PARD3: variants seen among roughly 807,000 people sequenced by gnomAD.
The protein encoded by PARD3 is partitioning defective 3 homolog.
A neutral mutation model predicts 155.4 loss-of-function variants in PARD3; 75 were observed. The ratio of observed to expected loss-of-function variants is 0.48; its 90% confidence interval spans 0.40 to 0.58. The LOEUF (loss-of-function observed/expected upper bound fraction) is 0.58, where lower values mean the gene tolerates loss of function less well. PARD3 is among the 20% of genes least tolerant of loss of function. PARD3 has a pLI of 0.00. For synonymous variants in PARD3, 576 were observed against 610.5 expected (o/e 0.94, Z 0.83); for missense variants, 1,642 against 1,721.7 (o/e 0.95, Z 0.82).
intron 2 of PARD3, among the ~76,000 whole-genome samples, chr10:34,525,054 T>C (rs1047205628): frequency 2.6e-5 from 4 of 152,344 alleles, no homozygotes; most frequent in African/African-American, 9.6e-5. Context: ...TGAGCCTTAC[T>C]TGCTAGCATG....
intron 2 of PARD3, among the ~76,000 whole-genome samples, chr10:34,555,654 C>T (rs2084920367): frequency 6.6e-6 from 1 of 152,174 alleles, no homozygotes; most frequent in South Asian, 2.1e-4. Context: ...CTTACACCCT[C>T]AATATGTATT....
intron 14 of PARD3, among the ~76,000 whole-genome samples, chr10:34,355,956 AC>A (rs750147742): frequency 7.4e-5 from 9 of 122,090 alleles, no homozygotes; most frequent in African/African-American, 3.6e-4. Context: ...ACAAAACAAA[AC>A]CAAACAAAAA....
chr10:34,513,571 G>A (rs1224889274), intron 3 of PARD3, among the ~76,000 whole-genome samples: 3 of 152,096 alleles, frequency 2.0e-5, no homozygotes, highest in Admixed American at 6.5e-5. Flanking sequence ...GTGAGCCACC[G>A]CACCCAGCCT....
At chr10:34,527,743 A>T (rs962850639) in intron 2 of PARD3, among the ~76,000 whole-genome samples, 1 of 152,232 alleles carries the variant, frequency 6.6e-6, no homozygotes, top group African/African-American at 2.4e-5. Flanking sequence ...GTAAAATGTA[A>T]GGTTAATATT....
chr10:34,116,932 CG>C lies in PARD3; in HGVS notation c.3668+2680del, dbSNP rs1476818324. Among the ~76,000 whole-genome samples the C allele has an allele frequency of 3.3e-5, 5 of 152,198 alleles. No homozygotes were observed. In the East Asian group the frequency reaches 9.7e-4, roughly 29 times the overall value. On this transcript the variant is annotated intron_variant, in intron 24 of 24. Coordinates refer to ENST00000374788, the MANE Select transcript of PARD3 (RefSeq NM_001184785.2). ...GAGAGGCGGAGAAGGGAAGAGATGT[CG>C]GGGCTCAGAGTAAAGAAGGGAGAGG...
At chr10:34,215,759 T>A (rs1951973668) in intron 22 of PARD3, among the ~76,000 whole-genome samples, 2 of 152,352 alleles carry the variant, frequency 1.3e-5, no homozygotes, top group African/African-American at 4.8e-5. Flanking sequence ...AGATAGCGAA[T>A]TATATTCGCA....
chr10:34,287,427 T>C lies in PARD3; in HGVS notation c.3066-3182A>G, dbSNP rs117747149. 1.0e-3 allele frequency among the ~76,000 whole-genome samples: 153 copies of C among 152,184 alleles called. 1 individual carries two copies. The highest frequency in any genetic ancestry group is 7.9e-3 in the East Asian group (41 of 5,176). On this transcript the variant is annotated intron_variant, in intron 20 of 24. Transcript: ENST00000374788. ...ATAGAAATACAACTCTGCACCATAA[T>C]TGAGAAACACCATGCTGTGACACCG...
intron 3 of PARD3, among the ~76,000 whole-genome samples, chr10:34,496,074 C>T (rs112360160): frequency 2.6e-5 from 4 of 151,844 alleles, no homozygotes; most frequent in South Asian, 4.2e-4. Flanking sequence ...TGGTGGTGTG[C>T]GCCTGTAGTC....
chr10:34,500,261 C>T (rs1441057510), intron 3 of PARD3, among the ~76,000 whole-genome samples: 3 of 152,190 alleles, frequency 2.0e-5, no homozygotes, highest in Non-Finnish European at 4.4e-5. Context: ...GAAAAGGGTG[C>T]TATGCTTAAG....
At chr10:34,746,095 C>A (rs1290146062) in intron 1 of PARD3, among the ~76,000 whole-genome samples, 1 of 151,826 alleles carries the variant, frequency 6.6e-6, no homozygotes, top group East Asian at 1.9e-4. Flanking sequence ...GAGCAAGACT[C>A]CATCTCAAAA....
chr10:34,637,575 G>A (rs2092526642), intron 2 of PARD3, among the ~76,000 whole-genome samples: 1 of 152,174 alleles, frequency 6.6e-6, no homozygotes, highest in Admixed American at 6.5e-5. Context: ...CAGTAATAAT[G>A]TGCTTTGTTC....
chr10:34,432,306 C>T (rs2075977222), intron 5 of PARD3, among the ~76,000 whole-genome samples: 1 of 146,140 alleles, frequency 6.8e-6, no homozygotes, highest in African/African-American at 2.5e-5. Context: ...AGAACAGGTG[C>T]TGTGAAAATA....
intron 1 of PARD3, among the ~76,000 whole-genome samples, chr10:34,721,929 G>A (rs918877933): frequency 6.6e-6 from 1 of 152,126 alleles, no homozygotes; most frequent in African/African-American, 2.4e-5. Flanking sequence ...TGTAATCCTA[G>A]AGCTTTGGGA....
At chr10:34,504,778 G>T (rs940179740) in intron 3 of PARD3, among the ~76,000 whole-genome samples, 7 of 152,136 alleles carry the variant, frequency 4.6e-5, no homozygotes, top group Non-Finnish European at 1.0e-4. Flanking sequence ...TCTCCAGCTG[G>T]GTAGAGGAGC....
intron 1 of PARD3, among the ~76,000 whole-genome samples, chr10:34,763,978 C>T (rs989390379): frequency 5.9e-5 from 9 of 152,146 alleles, no homozygotes; most frequent in African/African-American, 1.9e-4. Context: ...ACTTAGTTTA[C>T]CAATAAATAG....
At chr10:34,471,919 T>C (rs2078374721) in intron 3 of PARD3, among the ~76,000 whole-genome samples, 1 of 152,216 alleles carries the variant, frequency 6.6e-6, no homozygotes, top group Admixed American at 6.5e-5. Flanking sequence ...AGGGATATTT[T>C]TGAAACACTG....
chr10:34,130,809 C>T (rs1028613379), intron 23 of PARD3, among the ~76,000 whole-genome samples: 3 of 152,184 alleles, frequency 2.0e-5, no homozygotes, highest in African/African-American at 7.2e-5. Context: ...AACTGTAATC[C>T]TGACACTTTG....
intron 20 of PARD3, among the ~76,000 whole-genome samples, chr10:34,288,442 A>G (rs563842742): frequency 1.3e-5 from 2 of 152,158 alleles, no homozygotes; most frequent in Non-Finnish European, 2.9e-5. Flanking sequence ...AATAAAAAAT[A>G]CACTAGCCAT....
At chr10:34,410,887 C>T (rs1270965273) in intron 5 of PARD3, among the ~76,000 whole-genome samples, 1 of 152,204 alleles carries the variant, frequency 6.6e-6, no homozygotes, top group Non-Finnish European at 1.5e-5. Flanking sequence ...TGTCCTGTAA[C>T]ATTACCCATA....
Sources: gnomAD v4.1 joint callset for allele counts (sites outside exome capture counted in the v4.1 genomes callset) on GRCh38, gnomAD v4.1.1 for gene constraint, MANE v1.5 for transcripts, NCBI Gene and HGNC (gene_info 2026-07-23, HGNC 2026-07-21) for gene names.